The following MAST3 variants were observed in gnomAD, a reference collection of about 807,000 sequenced individuals.
MAST3 encodes the protein microtubule associated serine/threonine kinase 3.
MAST3 carries 43 observed loss-of-function variants against 127.0 expected under a neutral mutation model. The ratio of observed to expected loss-of-function variants is 0.34; its 90% confidence interval spans 0.27 to 0.44. The LOEUF (loss-of-function observed/expected upper bound fraction) is 0.44, where lower values mean the gene tolerates loss of function less well. MAST3 is among the 20% of genes least tolerant of loss of function. The pLI is 1.00. For synonymous variants in MAST3, 785 were observed against 809.2 expected (o/e 0.97, Z 0.51); for missense variants, 1,390 against 1,919.1 (o/e 0.72, Z 5.15).
chr19:18,111,444 T>C (rs2038606746), intron 3 of MAST3, among the ~76,000 whole-genome samples: 1 of 151,594 alleles, frequency 6.6e-6, no homozygotes, highest in South Asian at 2.1e-4. Context: ...GGGACAGATG[T>C]GAGGTCAATG....
chr19:18,128,509 G>A, intron 12 of MAST3, 51 bp downstream of exon 12: 1 of 1,516,258 alleles, frequency 6.6e-7, no homozygotes, highest in East Asian at 2.5e-5. Context: ...TTTCCAGAGT[G>A]GACCAGGCAC....
intron 3 of MAST3, among the ~76,000 whole-genome samples, chr19:18,116,567 T>C (rs2039284200): frequency 6.8e-6 from 1 of 146,996 alleles, no homozygotes; most frequent in African/African-American, 2.5e-5. Flanking sequence ...AGTGCTGGGA[T>C]TACAGGCGTG....
chr19:18,131,708 A>C (rs1228084048), intron 14 of MAST3, among the ~76,000 whole-genome samples: 1 of 152,166 alleles, frequency 6.6e-6, no homozygotes, highest in African/African-American at 2.4e-5. Flanking sequence ...AAAAAGAAGA[A>C]AAAATTAAAA....
In MAST3 at chr19:18,134,996, A is replaced by C. The variant is rs770572538; in HGVS notation, c.1870+14A>C. ...AGGTGGTCAGCGGTGCGTTTCCTCC[A>C]CGGGCCTGGGTTTGAGCTGCAGCCC... On this transcript the variant is annotated intron_variant, in intron 17 of 27. Transcript: ENST00000687212. 6.3e-7 allele frequency: 1 copy of C among 1,587,932 alleles called. No homozygotes were observed. Among genetic ancestry groups the C allele is most frequent in the Non-Finnish European group, 8.6e-7 (1 of 1,163,768 alleles).
rs758331460 is a variant in MAST3, at chr19:18,145,094, C to T, written c.2904C>T (p.Asp968=). 3 of 1,613,646 alleles carry T rather than the reference C, an allele frequency of 1.9e-6. No individual in the cohort carries two copies. Among genetic ancestry groups the T allele is most frequent in the Non-Finnish European group, 2.5e-6 (3 of 1,179,872 alleles). The stretch of plus-strand genomic sequence containing the variant: ...CCCGTGACTCTTCGCCGAGCCGAGA[C>T]CCGTCCCCCGTGTGTGGCAGCCTGC... ...PSSRDSSPSR[D]PSPVCGSLRP... Residue 968 remains aspartate, a synonymous_variant, in exon 24 of 28, where the codon GAC becomes GAT. Coordinates refer to ENST00000687212, the MANE Select transcript of MAST3 (RefSeq NM_001393504.1). The surrounding 1 kb of genome is among the most constrained non-coding windows in gnomAD (Gnocchi z 5.9).
chr19:18,145,869 C>G lies in MAST3; in HGVS notation c.3162+4C>G. The G allele has an allele frequency of 5.0e-6, 8 of 1,586,554 alleles. No homozygotes were observed. Among genetic ancestry groups the G allele is most frequent in the Non-Finnish European group, 6.8e-6 (8 of 1,168,642 alleles). ...CGTCGTGGAGCTGCTGCTGAAGGTG[C>G]GGCACCCCCACTGCCCACCCTCAGG... is the stretch of plus-strand genomic sequence containing the variant. On this transcript the variant is annotated splice_donor_region_variant and intron_variant, in intron 25 of 27. Coordinates refer to ENST00000687212, the MANE Select transcript of MAST3 (RefSeq NM_001393504.1). The surrounding 1 kb of genome is among the most constrained non-coding windows in gnomAD (Gnocchi z 5.9).
At position 18,150,149 on chromosome 19, in the gene MAST3, G is replaced by A. The variant is rs1482592330; in HGVS notation, c.*423G>A. The A allele has an allele frequency of 1.1e-5, 2 of 188,406 alleles. No homozygotes were observed. Among genetic ancestry groups the A allele is most frequent in the Non-Finnish European group, 2.2e-5 (2 of 91,452 alleles). The allele number at this position is 188,406 out of a possible 1,614,324, so 11.7% of individuals were successfully genotyped here. A position where few individuals can be genotyped will look rare whatever the true frequency, so the allele number is the denominator to read the frequency against. On this transcript the variant is annotated 3_prime_UTR_variant, in exon 28 of 28. Coordinates refer to ENST00000687212, the MANE Select transcript of MAST3 (RefSeq NM_001393504.1). ...TTACAGGCGCCCACCACTATGCCCA[G>A]CTAATTTTTTGTATTTTTAGTACAG...
At chr19:18,147,662 T>C (rs2043171476) in intron 27 of MAST3, 38 bp downstream of exon 27, 2 of 1,419,550 alleles carry the variant, frequency 1.4e-6, no homozygotes, top group East Asian at 2.5e-5. Flanking sequence ...CCGGCTACCC[T>C]GGGAGCAAGG....
chr19:18,111,593 G>GGTGC (rs2038648482), intron 3 of MAST3, among the ~76,000 whole-genome samples: 2 of 142,818 alleles, frequency 1.4e-5, no homozygotes, highest in Admixed American at 7.2e-5. Flanking sequence ...GGAGTGCAGT[G>GGTGC]GTGCAATCTC....
rs61501122 is a variant in MAST3, at chr19:18,149,985, CTTTTTTTT to C, written c.*271_*278del. 2.1e-3 allele frequency: 405 copies of C among 195,572 alleles called. 2 individuals carry two copies. Among genetic ancestry groups the C allele is most frequent in the African/African-American group, 0.013 (335 of 24,818 alleles). 12.1% of individuals were successfully genotyped at this position (195,572 alleles called of 1,614,324 possible). On this transcript the variant is annotated 3_prime_UTR_variant, in exon 28 of 28. Transcript: ENST00000687212. The surrounding 1 kb of genome is among the most constrained non-coding windows in gnomAD (Gnocchi z 5.9). ...GCAACTAATTTATTACTTTTTTTTT[CTTTTTTTT>C]TTTTTTTTTTTGAGACAGAGTCTCA... is the stretch of plus-strand genomic sequence containing the variant.
chr19:18,121,599 G>A (rs1414566428), intron 3 of MAST3, 86 bp from the exon 4 acceptor site: 14 of 1,130,514 alleles, frequency 1.2e-5, no homozygotes, highest in Admixed American at 5.5e-5. Flanking sequence ...TCTCCAGAAC[G>A]GGCTGCGAGT....
chr19:18,121,301 C>T (rs1289582244), intron 3 of MAST3, among the ~76,000 whole-genome samples: 1 of 152,132 alleles, frequency 6.6e-6, no homozygotes, highest in Admixed American at 6.5e-5. Context: ...GGACTACAGG[C>T]GTGCACCACC....
At chr19:18,129,024 G>T in intron 13 of MAST3, 73 bp downstream of exon 13, 1 of 1,307,308 alleles carries the variant, frequency 7.6e-7, no homozygotes. Flanking sequence ...GGCAGCTCCT[G>T]CATCCCCCTC....
rs1373869274 is a variant in MAST3, at chr19:18,128,380, C to T, written c.1079-20C>T. 3 of 1,541,288 alleles carry T rather than the reference C, an allele frequency of 1.9e-6. No homozygotes were observed. Among genetic ancestry groups the T allele is most frequent in the Non-Finnish European group, 2.6e-6 (3 of 1,145,592 alleles). On this transcript the variant is annotated intron_variant, in intron 11 of 27. Coordinates refer to ENST00000687212, the MANE Select transcript of MAST3 (RefSeq NM_001393504.1). ...GTGAGGCAGGGAGGCTCCAGCTGAG[C>T]CTCCTCCCTCATCTTGCAGAGATGG...
rs113556820 is a variant in MAST3, at chr19:18,118,864, A to G, written c.162-2821A>G. Among the ~76,000 whole-genome samples, 423 of 152,114 alleles carry G rather than the reference A, an allele frequency of 2.8e-3. 1 individual carries two copies. Among genetic ancestry groups the G allele is most frequent in the African/African-American group, 8.9e-3 (371 of 41,488 alleles). ...TAACCTCTCTGTGCTTGGGTTTCTC[A>G]TTGGTGCTGGACTGGGGCAAAGTCT... On this transcript the variant is annotated intron_variant, in intron 3 of 27. Transcript: ENST00000687212.
intron 3 of MAST3, among the ~76,000 whole-genome samples, chr19:18,113,336 G>T (rs375298582): frequency 6.6e-6 from 1 of 152,032 alleles, no homozygotes; most frequent in Non-Finnish European, 1.5e-5. Flanking sequence ...CCAGGCTGGG[G>T]TGCAGTGGTG....
At chr19:18,141,284 A>G (rs1281510003) in intron 20 of MAST3, among the ~76,000 whole-genome samples, 1 of 151,254 alleles carries the variant, frequency 6.6e-6, no homozygotes, top group Non-Finnish European at 1.5e-5. Flanking sequence ...GCTAAAGTCT[A>G]TGCTCTTTTA....
At chr19:18,125,030 T>C (rs921511830) in intron 11 of MAST3, among the ~76,000 whole-genome samples, 1 of 151,492 alleles carries the variant, frequency 6.6e-6, no homozygotes, top group African/African-American at 2.4e-5. Flanking sequence ...TTGCTTGAAC[T>C]CAGGAGATGG....
intron 6 of MAST3, 104 bp downstream of exon 6, chr19:18,122,855 CA>C (rs2040163748): frequency 3.3e-6 from 4 of 1,211,312 alleles, no homozygotes; most frequent in Non-Finnish European, 4.8e-6. Flanking sequence ...GTGCAGTCAG[CA>C]AACATACTAG....
Sources: allele counts gnomAD v4.1 joint callset (sites outside exome capture counted in the v4.1 genomes callset), GRCh38; gene constraint gnomAD v4.1.1; non-coding constraint Gnocchi (gnomAD v3.1); transcripts MANE v1.5; gene names NCBI Gene and HGNC (gene_info 2026-07-23, HGNC 2026-07-21).